NF1: variants seen among roughly 807,000 people sequenced by gnomAD.
NF1 encodes the protein neurofibromin 1, also known as neurofibromin.
NF1 carries 122 observed loss-of-function variants against 325.7 expected under a neutral mutation model. The ratio of observed to expected loss-of-function variants is 0.37; its 90% CI spans 0.32 to 0.44. NF1 has a LOEUF of 0.44. Among genes scored for constraint, NF1 ranks in the 20% least tolerant of loss-of-function variants. The probability of loss-of-function intolerance (pLI) is 1.00; values close to 1 mark genes in which losing one functional copy is unlikely to be tolerated. For synonymous variants in NF1, 1,091 were observed against 1,186.0 expected (o/e 0.92, Z 1.65); for missense variants, 2,140 against 3,415.4 (o/e 0.63, Z 9.31).
chr17:31,141,192 C>T (rs1298567477), intron 1 of NF1, among the ~76,000 whole-genome samples: 3 of 151,936 alleles, frequency 2.0e-5, no homozygotes, highest in Non-Finnish European at 4.4e-5. Context: ...GCTTATAAAT[C>T]TCATATACAC....
intron 13 of NF1, among the ~76,000 whole-genome samples, chr17:31,216,588 T>TCC (rs1307144619): frequency 6.6e-6 from 1 of 152,078 alleles, no homozygotes; most frequent in Non-Finnish European, 1.5e-5. Flanking sequence ...GTTTCTTAGA[T>TCC]CCCCCTGATC....
At chr17:31,273,256 A>G (rs1252945067) in intron 36 of NF1, among the ~76,000 whole-genome samples, 2 of 152,234 alleles carry the variant, frequency 1.3e-5, no homozygotes, top group African/African-American at 4.8e-5. Flanking sequence ...TATTTACCCA[A>G]AGACTAAAGA....
chr17:31,174,832 C>T (rs1470475828), intron 5 of NF1, among the ~76,000 whole-genome samples: 1 of 151,992 alleles, frequency 6.6e-6, no homozygotes, highest in Admixed American at 6.6e-5. Flanking sequence ...AAAAATAGGC[C>T]AGGCACAGTG....
At chr17:31,308,830 C>A (rs2151514299) in intron 36 of NF1, among the ~76,000 whole-genome samples, 1 of 152,252 alleles carries the variant, frequency 6.6e-6, no homozygotes, top group South Asian at 2.1e-4. Flanking sequence ...TGGTTCCTTA[C>A]ATAATTCATG....
At chr17:31,365,444 T>G (rs920390048) in intron 57 of NF1, among the ~76,000 whole-genome samples, 2 of 152,194 alleles carry the variant, frequency 1.3e-5, no homozygotes, top group African/African-American at 4.8e-5. Flanking sequence ...TTTGTAGGTG[T>G]ATGTTAAGTA....
At chr17:31,276,349 C>T (rs770206140) in intron 36 of NF1, among the ~76,000 whole-genome samples, 5 of 151,824 alleles carry the variant, frequency 3.3e-5, no homozygotes, top group Non-Finnish European at 7.4e-5. Context: ...GTTTTCCCTT[C>T]ACATTAGCAT....
Position 31,265,253 on chromosome 17 carries a change from A to G in NF1, c.4749A>G (p.Glu1583=), listed in dbSNP as rs144091165. 2.2e-4 allele frequency: 360 copies of G among 1,613,306 alleles called. 2 individuals are homozygous for G. The highest frequency in any genetic ancestry group is 4.5e-4 in the Admixed American group (27 of 60,028). The change falls in exon 36 of 58, where the codon GAA becomes GAG. Residue 1583 remains glutamate, a synonymous_variant. Transcript: ENST00000358273. ...MTRHQVHEKE[E]FKALKTLSIF... is the part of the protein sequence containing the mutation. ...GGCATCAGGTACATGAAAAAGAAGA[A>G]TTCAAGGCTTTGAAAACGTTAAGTA... is the stretch of plus-strand genomic sequence containing the variant.
At chr17:31,129,889 A>T (rs996036078) in intron 1 of NF1, among the ~76,000 whole-genome samples, 1 of 152,050 alleles carries the variant, frequency 6.6e-6, no homozygotes, top group Admixed American at 6.6e-5. Context: ...ATTCCTATCC[A>T]TATTCTGAAT....
chr17:31,329,294 T>A (rs949919548), intron 38 of NF1, among the ~76,000 whole-genome samples: 6 of 152,188 alleles, frequency 3.9e-5, no homozygotes, highest in African/African-American at 1.4e-4. Flanking sequence ...CATTGAAAAA[T>A]ACAACCTTTT....
chr17:31,319,420 C>G (rs7222606), intron 36 of NF1, among the ~76,000 whole-genome samples: 16,835 of 151,728 alleles, frequency 0.11, 2,557 homozygotes, highest in African/African-American at 0.34. Flanking sequence ...ACTACCCACC[C>G]TCTAACCTGT....
At chr17:31,159,789 C>A (rs1288982098) in intron 3 of NF1, among the ~76,000 whole-genome samples, 2 of 152,122 alleles carry the variant, frequency 1.3e-5, no homozygotes, top group Non-Finnish European at 2.9e-5. Context: ...TTAAATACCT[C>A]TGTTTTAATG....
intron 36 of NF1, among the ~76,000 whole-genome samples, chr17:31,311,981 G>A (rs1379432043): frequency 6.6e-6 from 1 of 152,138 alleles, no homozygotes; most frequent in Non-Finnish European, 1.5e-5. Flanking sequence ...CTGATTCTAC[G>A]AAAACTATTA....
chr17:31,206,390 T>G lies in NF1; in HGVS notation c.1392+19T>G. On this transcript the variant is annotated intron_variant, in intron 12 of 57. Transcript: ENST00000358273. ...GGCACCGGTAAGATAAATCACGAAT[T>G]TTGAATCTCACCTCCTTTCTATTGC... The G allele has an allele frequency of 6.2e-7, 1 of 1,613,356 alleles. No homozygotes were observed. The highest frequency in any genetic ancestry group is 8.5e-7 in the Non-Finnish European group (1 of 1,179,438).
intron 36 of NF1, chr17:31,320,515 T>C: frequency 8.3e-7 from 1 of 1,203,416 alleles, no homozygotes; most frequent in South Asian, 1.3e-5. Flanking sequence ...ATTTGTATAC[T>C]ATTAAAATAC....
chr17:31,372,950 A>G (rs1396760441), intron 57 of NF1, among the ~76,000 whole-genome samples: 1 of 152,188 alleles, frequency 6.6e-6, no homozygotes, highest in Non-Finnish European at 1.5e-5. Flanking sequence ...TGGAAGTTCA[A>G]GGTTATAGTG....
At chr17:31,177,094 G>A (rs2066037587) in intron 5 of NF1, among the ~76,000 whole-genome samples, 1 of 152,138 alleles carries the variant, frequency 6.6e-6, no homozygotes. Context: ...ATTGCTTTGG[G>A]CAGTACGGCC....
intron 31 of NF1, among the ~76,000 whole-genome samples, chr17:31,257,492 G>A (rs1291089796): frequency 6.6e-6 from 1 of 152,160 alleles, no homozygotes; most frequent in African/African-American, 2.4e-5. Flanking sequence ...CACTCTTCCC[G>A]AGCTAAGGTA....
chr17:31,113,770 C>T lies in NF1; in HGVS notation c.60+18401C>T, dbSNP rs141685429. Among the ~76,000 whole-genome samples the T allele has an allele frequency of 4.6e-4, 70 of 152,310 alleles. No individual in the cohort carries two copies. The East Asian group carries it at 0.013, about 29-fold the overall frequency. ...TCCTGACCTTAGGTGATCCATCTGCCTCGGCCTCCCAAAGTGTTTGACCAC... is the reference window on the plus strand; with the variant it reads ...TCCTGACCTTAGGTGATCCATCTGCTTCGGCCTCCCAAAGTGTTTGACCAC... On this transcript the variant is annotated intron_variant, in intron 1 of 57. Transcript: ENST00000358273.
intron 1 of NF1, among the ~76,000 whole-genome samples, chr17:31,100,032 A>T (rs1370710926): frequency 6.6e-6 from 1 of 152,074 alleles, no homozygotes; most frequent in Non-Finnish European, 1.5e-5. Context: ...AAAGAATTAA[A>T]AAGAACTCCA....
Sources: gnomAD v4.1 joint callset for allele counts (sites outside exome capture counted in the v4.1 genomes callset) on GRCh38, gnomAD v4.1.1 for gene constraint, MANE v1.5 for transcripts, NCBI Gene and HGNC (gene_info 2026-07-23, HGNC 2026-07-21) for gene names.